WDR59: variants seen among roughly 807,000 people sequenced by gnomAD.
WDR59 encodes WD repeat domain 59, also known as GATOR2 complex protein WDR59.
Under a neutral mutation model 131.2 loss-of-function variants are expected in WDR59, and 100 were observed. That is an observed-to-expected ratio of 0.76 (90% CI 0.65 to 0.90). WDR59 has a LOEUF of 0.90. Among genes scored for constraint, WDR59 ranks in the 40% least tolerant of loss-of-function variants. The pLI, the probability that WDR59 is intolerant of heterozygous loss-of-function variation, is 0.00. For missense variants in WDR59, 1,203 were observed against 1,262.2 expected (o/e 0.95, Z 0.71); for synonymous variants, 601 against 466.2 (o/e 1.29, Z -3.72).
At chr16:74,935,399 G>A (rs2031721230) in intron 8 of WDR59, among the ~76,000 whole-genome samples, 1 of 151,968 alleles carries the variant, frequency 6.6e-6, no homozygotes, top group Non-Finnish European at 1.5e-5. Flanking sequence ...CTATTTCTAA[G>A]GGCCACATAA....
intron 1 of WDR59, among the ~76,000 whole-genome samples, chr16:74,972,137 T>A (rs2145219880): frequency 6.6e-6 from 1 of 152,328 alleles, no homozygotes; most frequent in East Asian, 1.9e-4. Context: ...AAGTCTTTGT[T>A]CCTTCAACTG....
At chr16:74,905,037 T>C (rs1469881748) in intron 17 of WDR59, among the ~76,000 whole-genome samples, 3 of 152,250 alleles carry the variant, frequency 2.0e-5, no homozygotes, top group Non-Finnish European at 2.9e-5. Flanking sequence ...GGAATTTAAA[T>C]CTATAAAGCT....
chr16:74,928,768 G>C (rs935001528), intron 8 of WDR59, among the ~76,000 whole-genome samples: 16 of 151,956 alleles, frequency 1.1e-4, no homozygotes, highest in Admixed American at 1.3e-4. Context: ...AATAATCCGG[G>C]TGTGGTGGTG....
At chr16:74,974,940 T>C (rs1382203413) in intron 1 of WDR59, among the ~76,000 whole-genome samples, 1 of 152,226 alleles carries the variant, frequency 6.6e-6, no homozygotes, top group Non-Finnish European at 1.5e-5. Context: ...TGATTCTGCA[T>C]TGTGTCCTTT....
chr16:74,891,088 G>A (rs987229733), intron 20 of WDR59, among the ~76,000 whole-genome samples: 1 of 150,390 alleles, frequency 6.6e-6, no homozygotes, highest in African/African-American at 2.5e-5. Context: ...ACTCCAGCCT[G>A]GGCGACAGAG....
intron 2 of WDR59, among the ~76,000 whole-genome samples, chr16:74,963,773 G>A (rs767238241): frequency 6.6e-6 from 1 of 152,012 alleles, no homozygotes; most frequent in African/African-American, 2.4e-5. Context: ...AAAAAGAAGA[G>A]AAAATACTTC....
At chr16:74,964,558 C>T (rs1223234968) in intron 2 of WDR59, among the ~76,000 whole-genome samples, 1 of 151,948 alleles carries the variant, frequency 6.6e-6, no homozygotes, top group East Asian at 1.9e-4. Flanking sequence ...ACACGTTTAC[C>T]ATGTTGTATA....
chr16:74,927,194 G>T (rs899623368), intron 8 of WDR59, among the ~76,000 whole-genome samples: 3 of 152,138 alleles, frequency 2.0e-5, no homozygotes, highest in African/African-American at 7.2e-5. Context: ...AGATTGAAAA[G>T]TTTAGATGGC....
At chr16:74,951,355 CACAG>C in intron 4 of WDR59, 99 bp downstream of exon 4, 2 of 1,177,818 alleles carry the variant, frequency 1.7e-6, no homozygotes, top group Admixed American at 2.0e-5. Flanking sequence ...ACCTGTGCAA[CACAG>C]ACAGTCAAGC....
In WDR59 at chr16:74,965,888, CTG is replaced by C. The variant is rs2033755130; in HGVS notation, c.55-68_55-67del. 51 of 1,568,042 alleles carry C rather than the reference CTG, an allele frequency of 3.3e-5. 4 individuals carry two copies. In the South Asian group the frequency reaches 5.3e-4, roughly 16 times the overall value. On this transcript the variant is annotated intron_variant, in intron 1 of 25. Coordinates refer to ENST00000262144, the MANE Select transcript of WDR59 (RefSeq NM_030581.4). ...AGCCGGGGATAGAAGGCAGAGGTCTCTGTGGCTCTTCCTCTTCCTGTCTCCCA... is the reference window on the plus strand; with the variant it reads ...AGCCGGGGATAGAAGGCAGAGGTCTCTGGCTCTTCCTCTTCCTGTCTCCCA...
At chr16:74,892,586 T>C (rs1163834775) in intron 19 of WDR59, 21 bp from the exon 20 acceptor site, 1 of 1,596,012 alleles carries the variant, frequency 6.3e-7, no homozygotes, top group Non-Finnish European at 8.6e-7. Flanking sequence ...TTAAAAAGAA[T>C]TAAACATTTC....
intron 18 of WDR59, among the ~76,000 whole-genome samples, chr16:74,902,420 T>C (rs867380287): frequency 1.5e-5 from 2 of 136,676 alleles, no homozygotes; most frequent in African/African-American, 6.3e-5. Flanking sequence ...TTCCTCTTTA[T>C]AATTACGGTG....
intron 1 of WDR59, among the ~76,000 whole-genome samples, chr16:74,973,699 T>A (rs1418919018): frequency 6.6e-6 from 1 of 152,208 alleles, no homozygotes; most frequent in Non-Finnish European, 1.5e-5. Flanking sequence ...CTCTTTTAAA[T>A]GAGAACATTC....
chr16:74,920,171 T>C (rs1408369419), intron 10 of WDR59, among the ~76,000 whole-genome samples: 1 of 152,144 alleles, frequency 6.6e-6, no homozygotes, highest in South Asian at 2.1e-4. Context: ...GTTCCCAATT[T>C]ACAATGGTTC....
intron 4 of WDR59, among the ~76,000 whole-genome samples, chr16:74,950,704 C>G (rs1216137269): frequency 5.3e-5 from 8 of 152,194 alleles, no homozygotes; most frequent in Admixed American, 4.6e-4. Context: ...TGGGAGGCGG[C>G]TGTGCCCTTG....
Position 74,965,796 on chromosome 16 carries a change from A to G in WDR59, c.81T>C (p.Leu27=), listed in dbSNP as rs151070846. Residue 27 remains leucine (L), a synonymous_variant, in exon 2 of 26, where the codon CTT becomes CTC. Coordinates refer to ENST00000262144, the MANE Select transcript of WDR59 (RefSeq NM_030581.4). The part of the protein sequence containing the change: ...SQATAMSVDC[L]GQHAVLSGRR... ...ACCCAGAAAGCACTGCATGCTGCCC[A>G]AGACAGTCCACAGACATCGCAGTTG... The G allele has an allele frequency of 5.3e-4, 862 of 1,614,172 alleles. 1 individual carries two copies. Among genetic ancestry groups the G allele is most frequent in the South Asian group, 1.0e-3 (95 of 91,084 alleles).
At chr16:74,906,120 CT>C (rs1460933342) in intron 17 of WDR59, among the ~76,000 whole-genome samples, 6 of 151,686 alleles carry the variant, frequency 4.0e-5, no homozygotes, top group Non-Finnish European at 5.9e-5. Context: ...CGAGACCATC[CT>C]GGCTAACACG....
At chr16:74,936,876 CA>C (rs1242822296) in intron 8 of WDR59, among the ~76,000 whole-genome samples, 2 of 151,858 alleles carry the variant, frequency 1.3e-5, no homozygotes, top group African/African-American at 4.8e-5. Flanking sequence ...TACGAACGAA[CA>C]AACAAAAAAG....
At chr16:74,899,465 A>G (rs1965445302) in intron 18 of WDR59, among the ~76,000 whole-genome samples, 1 of 152,200 alleles carries the variant, frequency 6.6e-6, no homozygotes, top group Non-Finnish European at 1.5e-5. Context: ...TCCTTTGCCA[A>G]AAGAGTCCAT....
Sources: gnomAD v4.1 joint callset for allele counts (sites outside exome capture counted in the v4.1 genomes callset) on GRCh38, gnomAD v4.1.1 for gene constraint, MANE v1.5 for transcripts, NCBI Gene and HGNC (gene_info 2026-07-23, HGNC 2026-07-21) for gene names.